Variants in DLG2 observed in about 807,000 individuals in gnomAD.
DLG2 encodes the protein disks large homolog 2.
Under a neutral mutation model 132.5 loss-of-function variants are expected in DLG2, and 45 were observed. That is an observed-to-expected ratio of 0.34 (90% CI 0.27 to 0.44). DLG2 has a LOEUF of 0.44. Ranked by LOEUF, DLG2 falls within the 20% of genes least tolerant of loss-of-function variation. DLG2 has a pLI of 1.00. For missense variants in DLG2, 1,045 were observed against 1,196.9 expected, an observed-to-expected ratio of 0.87 and a Z score of 1.87; for synonymous variants, 424 against 419.6, an observed-to-expected ratio of 1.01 and a Z score of -0.13.
At chr11:84,959,723 G>A (rs574679232) in intron 6 of DLG2, among the ~76,000 whole-genome samples, 8 of 152,080 alleles carry the variant, frequency 5.3e-5, no homozygotes, top group Non-Finnish European at 7.4e-5. Context: ...ATTTAATTGC[G>A]ACTATAATGT....
intron 6 of DLG2, among the ~76,000 whole-genome samples, chr11:84,554,024 A>G (rs572966216): frequency 6.6e-6 from 1 of 152,198 alleles, no homozygotes; most frequent in Non-Finnish European, 1.5e-5. Flanking sequence ...CACATTCTCT[A>G]TTCATCACAG....
chr11:84,024,050 C>A (rs1222823412), intron 11 of DLG2, among the ~76,000 whole-genome samples: 1 of 152,068 alleles, frequency 6.6e-6, no homozygotes, highest in East Asian at 1.9e-4. Flanking sequence ...GTAGGCTGTT[C>A]ATAGTTAAGT....
chr11:85,353,178 G>A (rs890239105), intron 3 of DLG2, among the ~76,000 whole-genome samples: 2 of 152,102 alleles, frequency 1.3e-5, no homozygotes, highest in African/African-American at 4.8e-5. Flanking sequence ...GTCGGCAAAG[G>A]ATATGAACAG....
chr11:84,260,849 C>T (rs886527046), intron 7 of DLG2, among the ~76,000 whole-genome samples: 5 of 152,144 alleles, frequency 3.3e-5, no homozygotes, highest in African/African-American at 1.2e-4. Flanking sequence ...TGACTCACAC[C>T]GAGCTTTTAC....
At chr11:84,268,531 G>A (rs1008489678) in intron 7 of DLG2, among the ~76,000 whole-genome samples, 9 of 148,430 alleles carry the variant, frequency 6.1e-5, no homozygotes, top group Admixed American at 3.4e-4. Context: ...GCGCGATCTC[G>A]GCTCACTGCA....
chr11:84,432,023 A>T (rs1188663275), intron 7 of DLG2, among the ~76,000 whole-genome samples: 1 of 152,242 alleles, frequency 6.6e-6, no homozygotes, highest in Non-Finnish European at 1.5e-5. Context: ...ATGTTGAATA[A>T]GATTGAGAAA....
At chr11:84,175,905 T>C (rs1049902697) in intron 8 of DLG2, among the ~76,000 whole-genome samples, 5 of 152,128 alleles carry the variant, frequency 3.3e-5, no homozygotes, top group Non-Finnish European at 7.4e-5. Flanking sequence ...CAAGGACTGC[T>C]TATTAATAGG....
chr11:85,470,494 A>T (rs2092950006), intron 3 of DLG2, among the ~76,000 whole-genome samples: 1 of 152,096 alleles, frequency 6.6e-6, no homozygotes, highest in Admixed American at 6.6e-5. Flanking sequence ...CGGCCAAGGC[A>T]GGTGGATCAC....
intron 6 of DLG2, among the ~76,000 whole-genome samples, chr11:84,909,399 C>T (rs1002851383): frequency 9.2e-5 from 14 of 152,088 alleles, no homozygotes; most frequent in Non-Finnish European, 1.5e-5. Flanking sequence ...ACTAGCTTTG[C>T]CATTTTCTTG....
chr11:84,543,728 G>C (rs2099383989), intron 6 of DLG2, among the ~76,000 whole-genome samples: 1 of 152,180 alleles, frequency 6.6e-6, no homozygotes, highest in African/African-American at 2.4e-5. Context: ...ACCCTTGAAA[G>C]AGGAATTTTT....
At chr11:84,941,908 C>T (rs957206332) in intron 6 of DLG2, among the ~76,000 whole-genome samples, 1 of 152,036 alleles carries the variant, frequency 6.6e-6, no homozygotes, top group Non-Finnish European at 1.5e-5. Context: ...TTTATTATGG[C>T]TACCATCTCA....
intron 3 of DLG2, among the ~76,000 whole-genome samples, chr11:85,525,890 A>G (rs1368265451): frequency 6.6e-6 from 1 of 152,204 alleles, no homozygotes; most frequent in Non-Finnish European, 1.5e-5. Flanking sequence ...AGTACCGGAG[A>G]TCTACAGAGG....
chr11:83,852,623 T>C (rs1227456767), intron 16 of DLG2, among the ~76,000 whole-genome samples: 1 of 152,230 alleles, frequency 6.6e-6, no homozygotes, highest in African/African-American at 2.4e-5. Flanking sequence ...AGTTGAACTC[T>C]AAAAATTCTT....
intron 14 of DLG2, among the ~76,000 whole-genome samples, chr11:83,931,390 G>A (rs182100087): frequency 7.2e-5 from 11 of 152,148 alleles, no homozygotes; most frequent in East Asian, 1.9e-4. Context: ...ATGTCATTTC[G>A]GTAACATTGT....
In DLG2 at chr11:84,166,379, G is replaced by A. The variant is rs532887559; in HGVS notation, c.574-2868C>T. Among the ~76,000 whole-genome samples the A allele has an allele frequency of 6.6e-5, 10 of 151,612 alleles. 1 individual carries two copies. The South Asian group carries it at 2.1e-3, about 32-fold the overall frequency. On this transcript the variant is annotated intron_variant, in intron 8 of 27. Transcript: ENST00000376104. ...TATCTGGGCAGGGTGGCGTGCACCT[G>A]TAGTCCCAGCTACTCAGGAGGCTGA...
chr11:85,091,969 T>G (rs2068854080), intron 6 of DLG2, among the ~76,000 whole-genome samples: 1 of 152,192 alleles, frequency 6.6e-6, no homozygotes, highest in African/African-American at 2.4e-5. Flanking sequence ...TGGTGAATCT[T>G]TACTAGAATG....
chr11:84,937,478 C>T (rs541266586), intron 6 of DLG2, among the ~76,000 whole-genome samples: 101 of 151,460 alleles, frequency 6.7e-4, no homozygotes, highest in African/African-American at 2.2e-3. Flanking sequence ...ATATATAAGT[C>T]AACTGGGAGT....
intron 4 of DLG2, among the ~76,000 whole-genome samples, chr11:85,201,197 G>A (rs1326779563): frequency 2.0e-5 from 3 of 152,186 alleles, no homozygotes; most frequent in Admixed American, 2.0e-4. Context: ...GCCAGTCTCA[G>A]ATCAGGCCCC....
At chr11:83,795,401 C>A (rs1474252604) in intron 17 of DLG2, among the ~76,000 whole-genome samples, 1 of 128,290 alleles carries the variant, frequency 7.8e-6, no homozygotes, top group African/African-American at 3.5e-5. Flanking sequence ...GAGTGAGACT[C>A]TTTATAAGAA....
Sources: gnomAD v4.1 joint callset for allele counts (sites outside exome capture counted in the v4.1 genomes callset) on GRCh38, gnomAD v4.1.1 for gene constraint, MANE v1.5 for transcripts, NCBI Gene and HGNC (gene_info 2026-07-23, HGNC 2026-07-21) for gene names.